ITGA6: variants seen among roughly 807,000 people sequenced by gnomAD.
ITGA6 encodes integrin subunit alpha 6.
ITGA6 carries 63 observed loss-of-function variants against 133.6 expected under a neutral mutation model. The observed-to-expected ratio is 0.47, with a 90% CI of 0.38 to 0.58. The LOEUF is 0.58. ITGA6 is among the 20% of genes least tolerant of loss of function. ITGA6 has a pLI of 0.00. For missense variants in ITGA6, 1,068 were observed against 1,309.4 expected, an observed-to-expected ratio of 0.82 and a Z score of 2.85; for synonymous variants, 434 against 482.0, an observed-to-expected ratio of 0.90 and a Z score of 1.30.
intron 24 of ITGA6, among the ~76,000 whole-genome samples, chr2:172,499,363 GA>G (rs1241221567): frequency 4.2e-5 from 6 of 142,602 alleles, no homozygotes; most frequent in Non-Finnish European, 7.5e-5. Flanking sequence ...ATGCCTTGAA[GA>G]AAAAAAAATT....
intron 1 of ITGA6, among the ~76,000 whole-genome samples, chr2:172,439,346 A>G (rs1033536434): frequency 6.6e-6 from 1 of 151,932 alleles, no homozygotes; most frequent in Non-Finnish European, 1.5e-5. Flanking sequence ...AGGCTCAATC[A>G]GCACTTTGGG....
chr2:172,472,862 C>T (rs1300737830), intron 5 of ITGA6: 2 of 1,608,710 alleles, frequency 1.2e-6, no homozygotes, highest in East Asian at 2.2e-5. Context: ...CTGACACATT[C>T]CCTGATGTGA....
chr2:172,437,191 C>G (rs1407584390), intron 1 of ITGA6, among the ~76,000 whole-genome samples: 2 of 152,198 alleles, frequency 1.3e-5, no homozygotes, highest in African/African-American at 4.8e-5. Context: ...TTTGTAGGTT[C>G]TGAGAAGAGT....
chr2:172,490,962 C>T, intron 20 of ITGA6, 62 bp from the exon 21 acceptor site: 1 of 877,410 alleles, frequency 1.1e-6, no homozygotes, highest in Non-Finnish European at 2.0e-6. Flanking sequence ...GCTCAAGAGG[C>T]TTGTATGGTA....
intron 5 of ITGA6, among the ~76,000 whole-genome samples, chr2:172,473,237 T>G (rs145858113): frequency 8.8e-4 from 134 of 152,358 alleles, no homozygotes; most frequent in African/African-American, 3.0e-3. Flanking sequence ...TTTGAATGGT[T>G]TTGATATGGG....
chr2:172,439,834 A>G (rs1468883096), intron 1 of ITGA6, among the ~76,000 whole-genome samples: 1 of 152,212 alleles, frequency 6.6e-6, no homozygotes, highest in Non-Finnish European at 1.5e-5. Flanking sequence ...ACCTGATGGT[A>G]TGCCATACAC....
At chr2:172,480,791 T>C (rs1432853154) in intron 11 of ITGA6, 1 of 152,320 alleles carries the variant, frequency 6.6e-6, no homozygotes, top group African/African-American at 2.4e-5. Context: ...TAATTCAAAG[T>C]AAGATTTTTT....
At chr2:172,479,423 C>A (rs145073859) in intron 9 of ITGA6, among the ~76,000 whole-genome samples, 1 of 152,098 alleles carries the variant, frequency 6.6e-6, no homozygotes, top group African/African-American at 2.4e-5. Flanking sequence ...TAAGTGTGTA[C>A]GTTTTTAAAC....
intron 25 of ITGA6, among the ~76,000 whole-genome samples, chr2:172,502,509 T>G (rs189274241): frequency 5.1e-4 from 78 of 152,310 alleles, no homozygotes; most frequent in Admixed American, 1.4e-3. Context: ...CCTGCATGTC[T>G]CCTACAGGTC....
Position 172,465,659 on chromosome 2 carries a change from C to A in ITGA6, c.303C>A (p.Asn101Lys), listed in dbSNP as rs763884633. Residue 101 changes from asparagine to lysine, a missense_variant, in exon 2 of 26, where the codon AAC becomes AAA. Coordinates refer to ENST00000684293, the MANE Select transcript of ITGA6 (RefSeq NM_000210.4). ...RGPCTRIEFD[N>K]DADPTSESKE... ...CATGCACGCGGATCGAGTTTGATAA[C>A]GATGGTGCGTTCCTTTCCCTCACTC... The A allele has an allele frequency of 6.2e-7, 1 of 1,614,058 alleles. No homozygotes were observed. The highest frequency in any genetic ancestry group is 1.1e-5 in the South Asian group (1 of 91,090).
At chr2:172,432,974 A>G (rs1426560367) in intron 1 of ITGA6, among the ~76,000 whole-genome samples, 2 of 152,194 alleles carry the variant, frequency 1.3e-5, no homozygotes, top group Admixed American at 6.5e-5. Flanking sequence ...TCTTGGATAT[A>G]TTTAACTCTT....
At chr2:172,427,551 T>A, upstream of ITGA6, 1 of 1,194,766 alleles carries the variant, frequency 8.4e-7, no homozygotes, top group Non-Finnish European at 1.0e-6. Context: ...GGCGTCCTCG[T>A]CACTTGATAA....
intron 4 of ITGA6, 79 bp from the exon 5 acceptor site, chr2:172,470,895 G>C: frequency 6.9e-7 from 1 of 1,453,500 alleles, no homozygotes; most frequent in Non-Finnish European, 9.5e-7. Flanking sequence ...GATAGCATGG[G>C]GGATGTTTAT....
intron 19 of ITGA6, among the ~76,000 whole-genome samples, chr2:172,488,701 T>G (rs961961122): frequency 1.3e-5 from 2 of 152,140 alleles, no homozygotes; most frequent in Non-Finnish European, 2.9e-5. Context: ...AACTCACACA[T>G]GGGTTTAGGT....
intron 25 of ITGA6, chr2:172,503,679 G>T (rs1379185118): frequency 6.5e-6 from 1 of 152,744 alleles, no homozygotes; most frequent in Non-Finnish European, 1.5e-5. Flanking sequence ...CATTTTATTA[G>T]TGGGAAAGGG....
intron 1 of ITGA6, among the ~76,000 whole-genome samples, chr2:172,434,434 A>C (rs1027042383): frequency 6.6e-6 from 1 of 152,134 alleles, no homozygotes; most frequent in Non-Finnish European, 1.5e-5. Context: ...TCAAACCAGC[A>C]TACCGATTCC....
At position 172,488,033 on chromosome 2, in the gene ITGA6, C is replaced by A. The variant is rs752040950; in HGVS notation, c.2397C>A (p.Val799=). 6.2e-7 allele frequency: 1 copy of A among 1,613,680 alleles called. No homozygotes were observed. Among genetic ancestry groups the A allele is most frequent in the Non-Finnish European group, 8.5e-7 (1 of 1,179,672 alleles). The change falls in exon 18 of 26, where the codon GTC becomes GTA. Residue 799 remains valine, a synonymous_variant. Coordinates refer to ENST00000684293, the MANE Select transcript of ITGA6 (RefSeq NM_000210.4). The part of the protein sequence containing the change: ...AKVVIELLLS[V]SGVAKPSQVY... ...TGGTTATTGAACTGCTTTTATCGGT[C>A]TCGGGGTAAGTGTTTGTGTTTAGCA...
intron 4 of ITGA6, among the ~76,000 whole-genome samples, chr2:172,470,281 T>A (rs944331300): frequency 7.2e-5 from 11 of 152,194 alleles, no homozygotes; most frequent in African/African-American, 2.7e-4. Context: ...AATCTTCATG[T>A]ACAGTATTTC....
intron 1 of ITGA6, among the ~76,000 whole-genome samples, chr2:172,450,005 C>A (rs1684921256): frequency 6.6e-6 from 1 of 150,732 alleles, no homozygotes; most frequent in African/African-American, 2.4e-5. Flanking sequence ...CAGCGAAGAT[C>A]TGAGTCAAGA....
Sources: allele counts gnomAD v4.1 joint callset (sites outside exome capture counted in the v4.1 genomes callset), GRCh38; gene constraint gnomAD v4.1.1; transcripts MANE v1.5; gene names NCBI Gene and HGNC (gene_info 2026-07-23, HGNC 2026-07-21).